Variants in ANKAR observed in about 807,000 individuals in gnomAD.
ANKAR encodes the protein ankyrin and armadillo repeat-containing protein.
Under a neutral mutation model 146.2 loss-of-function variants are expected in ANKAR, and 136 were observed. That is an observed-to-expected ratio of 0.93 (90% CI 0.81 to 1.07). The LOEUF (loss-of-function observed/expected upper bound fraction) is 1.07, where lower values mean the gene tolerates loss of function less well. ANKAR is among the 50% of genes least tolerant of loss of function. The pLI is 0.00. For missense variants in ANKAR, 1,567 were observed against 1,679.9 expected, an observed-to-expected ratio of 0.93 and a Z score of 1.18; for synonymous variants, 500 against 575.8, an observed-to-expected ratio of 0.87 and a Z score of 1.88.
intron 2 of ANKAR, among the ~76,000 whole-genome samples, chr2:189,687,896 C>T (rs1345680599): frequency 1.3e-5 from 2 of 152,138 alleles, no homozygotes; most frequent in South Asian, 2.1e-4. Flanking sequence ...AATATTTTCT[C>T]CCATTCTGTG....
chr2:189,685,267 C>G (rs2035394899), intron 2 of ANKAR, among the ~76,000 whole-genome samples: 3 of 151,644 alleles, frequency 2.0e-5, no homozygotes, highest in East Asian at 1.9e-4. Flanking sequence ...GCTTCTGGTC[C>G]TTGATTCAGG....
At position 189,719,670 on chromosome 2, in the gene ANKAR, G is replaced by A; in HGVS notation, c.2323G>A (p.Ala775Thr). The A allele has an allele frequency of 2.5e-6, 4 of 1,614,126 alleles. No homozygotes were observed. The highest frequency in any genetic ancestry group is 3.4e-6 in the Non-Finnish European group (4 of 1,180,012). ...GAGTAATATCTCAACCCACAAAAGTGCAGTGCATGCTTTGGTAGAAGCGGG... is the reference window on the plus strand; with the variant it reads ...GAGTAATATCTCAACCCACAAAAGTACAGTGCATGCTTTGGTAGAAGCGGG... ...LLSNISTHKS[A>T]VHALVEAGGI... The change falls in exon 11 of 23, where the codon GCA becomes ACA. Residue 775 changes from alanine (A) to threonine (T), a missense_variant. By Grantham distance (58) the Ala-to-Thr change is moderately conservative. Coordinates refer to ENST00000684021, the MANE Select transcript of ANKAR (RefSeq NM_001378068.1).
intron 20 of ANKAR, among the ~76,000 whole-genome samples, chr2:189,741,797 G>A (rs1261951843): frequency 6.6e-6 from 1 of 152,000 alleles, no homozygotes; most frequent in East Asian, 1.9e-4. Flanking sequence ...AGAACTACCT[G>A]TTCAAATTAG....
At chr2:189,690,468 TAGAGCAATGTA>T (rs2036218417) in intron 3 of ANKAR, among the ~76,000 whole-genome samples, 1 of 152,184 alleles carries the variant, frequency 6.6e-6, no homozygotes, top group African/African-American at 2.4e-5. Context: ...AATAAACAAA[TAGAGCAATGTA>T]AGAGAATAGA....
At chr2:189,702,726 T>C (rs936181996) in intron 7 of ANKAR, among the ~76,000 whole-genome samples, 4 of 152,222 alleles carry the variant, frequency 2.6e-5, no homozygotes, top group Non-Finnish European at 5.9e-5. Flanking sequence ...TTTTATAGAC[T>C]ATTAAGGCTA....
chr2:189,737,957 C>T (rs1265756006), intron 18 of ANKAR, 116 bp downstream of exon 18: 25 of 977,298 alleles, frequency 2.6e-5, no homozygotes, highest in Admixed American at 3.4e-5. Context: ...AAACTTAGTA[C>T]TTTGCACATA....
intron 20 of ANKAR, 78 bp from the exon 21 acceptor site, chr2:189,743,197 A>T: frequency 1.4e-6 from 2 of 1,402,020 alleles, no homozygotes; most frequent in Non-Finnish European, 2.0e-6. Flanking sequence ...AGACTTTCCT[A>T]TGAAATAGCT....
intron 10 of ANKAR, among the ~76,000 whole-genome samples, chr2:189,718,851 G>A (rs536874090): frequency 4.0e-5 from 6 of 150,382 alleles, no homozygotes; most frequent in Middle Eastern, 3.4e-3. Context: ...CCGGGTTCAC[G>A]CCATTCTCCT....
intron 7 of ANKAR, among the ~76,000 whole-genome samples, chr2:189,698,935 G>GC (rs2037652921): frequency 2.0e-5 from 3 of 152,190 alleles, no homozygotes; most frequent in Non-Finnish European, 4.4e-5. Flanking sequence ...ACAATAGTGT[G>GC]CCTCCTACAT....
chr2:189,708,448 C>T (rs2039257589), intron 9 of ANKAR, among the ~76,000 whole-genome samples: 1 of 152,176 alleles, frequency 6.6e-6, no homozygotes, highest in African/African-American at 2.4e-5. Context: ...AAGTGATACA[C>T]ATTCGGAAGA....
At chr2:189,704,640 G>A (rs2105652237) in intron 7 of ANKAR, among the ~76,000 whole-genome samples, 1 of 129,878 alleles carries the variant, frequency 7.7e-6, no homozygotes, top group Admixed American at 8.2e-5. Context: ...AAAAACATGA[G>A]TAAAATGGAA....
At chr2:189,727,544 A>AAAAAAAAAAAAAAAG (rs1559126243) in intron 12 of ANKAR, among the ~76,000 whole-genome samples, 1 of 149,850 alleles carries the variant, frequency 6.7e-6, no homozygotes, top group African/African-American at 2.5e-5. Flanking sequence ...AAAAAAAAAA[A>AAAAAAAAAAAAAAAG]AAGGGTGGTG....
At position 189,744,767 on chromosome 2, in the gene ANKAR, A is replaced by C; in HGVS notation, c.4036A>C (p.Ile1346Leu). 2 of 1,594,970 alleles carry C rather than the reference A, an allele frequency of 1.3e-6. No individual in the cohort carries two copies. Among genetic ancestry groups the C allele is most frequent in the Non-Finnish European group, 1.7e-6 (2 of 1,164,540 alleles). ...LSLEKNGGPS[I>L]IPIFKRGKEH... is the part of the protein sequence containing the mutation. ...TCTGGAGAAGAATGGAGGACCATCC[A>C]TAATTCCTATCTTTAAAAGAGGTAA... Residue 1346 changes from isoleucine (I) to leucine (L), a missense_variant, in exon 22 of 23, where the codon ATA (isoleucine) becomes CTA (leucine). Coordinates refer to ENST00000684021, the MANE Select transcript of ANKAR (RefSeq NM_001378068.1).
chr2:189,695,511 G>C (rs777779832), intron 6 of ANKAR, among the ~76,000 whole-genome samples: 1 of 152,278 alleles, frequency 6.6e-6, no homozygotes, highest in African/African-American at 2.4e-5. Flanking sequence ...TGTAGAGAGG[G>C]ATCTTTCACA....
intron 20 of ANKAR, 96 bp from the exon 21 acceptor site, chr2:189,743,179 C>A: frequency 1.6e-6 from 2 of 1,230,974 alleles, no homozygotes; most frequent in Non-Finnish European, 2.3e-6. Flanking sequence ...TTGCTCCCTC[C>A]CTTACAGAGA....
chr2:189,719,664 A>G lies in ANKAR; in HGVS notation c.2317A>G (p.Lys773Glu). 3 of 1,614,194 alleles carry G rather than the reference A, an allele frequency of 1.9e-6. No homozygotes were observed. The highest frequency in any genetic ancestry group is 8.5e-7 in the Non-Finnish European group (1 of 1,180,016). The stretch of plus-strand genomic sequence containing the variant: ...GTTATTGAGTAATATCTCAACCCAC[A>G]AAAGTGCAGTGCATGCTTTGGTAGA... ...VGLLSNISTH[K>E]SAVHALVEAG... The change falls in exon 11 of 23, where the codon AAA becomes GAA. Residue 773 changes from lysine to glutamate, a missense_variant. Physicochemically the swap from Lys to Glu is moderately conservative, Grantham distance 56. Coordinates refer to ENST00000684021, the MANE Select transcript of ANKAR (RefSeq NM_001378068.1).
intron 10 of ANKAR, 24 bp from the exon 11 acceptor site, chr2:189,719,548 A>AT: frequency 6.4e-7 from 1 of 1,551,238 alleles, no homozygotes; most frequent in Non-Finnish European, 8.8e-7. Flanking sequence ...ATGCTTTTTA[A>AT]TTTTTTTGCT....
At chr2:189,699,658 A>G (rs2037768508) in intron 7 of ANKAR, among the ~76,000 whole-genome samples, 1 of 152,108 alleles carries the variant, frequency 6.6e-6, no homozygotes, top group African/African-American at 2.4e-5. Context: ...TGATAATGTT[A>G]TTATTTATTT....
chr2:189,728,853 T>C, intron 15 of ANKAR, 32 bp downstream of exon 15: 4 of 1,591,676 alleles, frequency 2.5e-6, no homozygotes, highest in Non-Finnish European at 3.4e-6. Context: ...TTCTTAAATA[T>C]CTGTAAGAAC....
Sources: allele counts gnomAD v4.1 joint callset (sites outside exome capture counted in the v4.1 genomes callset), GRCh38; gene constraint gnomAD v4.1.1; transcripts MANE v1.5; gene names NCBI Gene and HGNC (gene_info 2026-07-23, HGNC 2026-07-21).